The following ATG4A variants were observed in gnomAD, a reference collection of about 807,000 sequenced individuals.
ATG4A encodes autophagy related 4A cysteine peptidase, also known as cysteine protease ATG4A.
In ATG4A, 22 loss-of-function variants were observed where a neutral mutation model predicts 38.4. That is an observed-to-expected ratio of 0.57 (90% CI 0.41 to 0.82). ATG4A has a LOEUF of 0.82. Ranked by LOEUF, ATG4A falls within the 40% of genes least tolerant of loss-of-function variation. The pLI, the probability that ATG4A is intolerant of heterozygous loss-of-function variation, is 0.00. For missense variants in ATG4A, 220 were observed against 290.0 expected (o/e 0.76, Z 1.75); for synonymous variants, 86 against 100.7 (o/e 0.85, Z 0.88).
Position 108,138,000 on chromosome X carries a change from C to T in ATG4A, c.735+9C>T, listed in dbSNP as rs1006465947. The T allele has an allele frequency of 8.3e-7, 1 of 1,201,137 alleles. No individual in the cohort carries two copies. Among genetic ancestry groups the T allele is most frequent in the Middle Eastern group, 2.3e-4 (1 of 4,295 alleles). ...ATGTTGATGCATTCAAAGTAAGTCA[C>T]TTCTTTCCCTGAGCCCATTGCTGCC... On this transcript the variant is annotated intron_variant, in intron 8 of 12. Coordinates refer to ENST00000372232, the MANE Select transcript of ATG4A (RefSeq NM_052936.5).
intron 4 of ATG4A, among the ~76,000 whole-genome samples, chrX:108,132,878 A>G (rs1041464242): frequency 9.0e-6 from 1 of 111,353 alleles, no homozygotes; most frequent in Non-Finnish European, 1.9e-5. Context: ...AGTTGGAAAT[A>G]GATCTTGTAG....
chrX:108,095,532 A>G (rs1390334599), intron 1 of ATG4A, among the ~76,000 whole-genome samples: 1 of 110,211 alleles, frequency 9.1e-6, no homozygotes, highest in Non-Finnish European at 1.9e-5. Context: ...CTGAGATTTC[A>G]TTTATTTCTT....
At chrX:108,111,412 T>A (rs2032351555) in intron 1 of ATG4A, among the ~76,000 whole-genome samples, 1 of 112,169 alleles carries the variant, frequency 8.9e-6, no homozygotes, top group South Asian at 3.7e-4. Context: ...TCCTTTACAC[T>A]GCAATAGAAT....
chrX:108,149,170 T>TC (rs1476881345), intron 9 of ATG4A, among the ~76,000 whole-genome samples: 1 of 113,017 alleles, frequency 8.8e-6, no homozygotes, highest in Non-Finnish European at 1.9e-5. Flanking sequence ...TGGATACCAT[T>TC]CCAGAGGGAG....
At chrX:108,100,893 C>T (rs1331073362) in intron 1 of ATG4A, among the ~76,000 whole-genome samples, 7 of 111,175 alleles carry the variant, frequency 6.3e-5, no homozygotes, top group Non-Finnish European at 1.3e-4. Context: ...GGTATCAGTG[C>T]AATATTGGCC....
Position 108,150,287 on chromosome X carries a change from C to A in ATG4A, c.950C>A (p.Ser317Ter), listed in dbSNP as rs1234200058. ...QRMNILNLDP[S>*]VALGFFCKEE... is the part of the protein sequence containing the mutation. ...ATGAACATCCTAAACCTGGATCCTT[C>A]AGTTGCATTGGTGGGTATTCGTAGG... Residue 317 changes from serine (S) to a stop codon, truncating the protein, a stop_gained, in exon 10 of 13, where the codon TCA becomes TAA. Coordinates refer to ENST00000372232, the MANE Select transcript of ATG4A (RefSeq NM_052936.5). LOFTEE classifies it high-confidence loss of function. 1 of 1,210,506 alleles carries A rather than the reference C, an allele frequency of 8.3e-7. No individual in the cohort carries two copies. The highest frequency in any genetic ancestry group is 3.0e-5 in the East Asian group (1 of 33,786).
chrX:108,124,013 C>G (rs952613236), intron 1 of ATG4A, among the ~76,000 whole-genome samples: 3 of 112,430 alleles, frequency 2.7e-5, no homozygotes, highest in African/African-American at 9.7e-5. Flanking sequence ...TACTTATTTT[C>G]TGATTTTCTT....
At position 108,152,942 on chromosome X, in the gene ATG4A, C is replaced by T. The variant is rs772659909; in HGVS notation, c.1018-37C>T. 2.9e-6 allele frequency: 3 copies of T among 1,038,889 alleles called. No homozygotes were observed. In the African/African-American group the frequency reaches 5.6e-5, roughly 19 times the overall value. The allele number at this position is 1,038,889 out of a possible 1,213,427, so 85.6% of individuals were successfully genotyped here. A position where few individuals can be genotyped will look rare whatever the true frequency, so the allele number is the denominator to read the frequency against. ...AGATTGCCAATTAGAAATGTTGTGACTCTGAAGTATTTAAAACTGTTTTGT... is the reference window on the plus strand; with the variant it reads ...AGATTGCCAATTAGAAATGTTGTGATTCTGAAGTATTTAAAACTGTTTTGT... On this transcript the variant is annotated intron_variant, in intron 11 of 12. Transcript: ENST00000372232.
At chrX:108,109,959 A>C (rs1295209832) in intron 1 of ATG4A, among the ~76,000 whole-genome samples, 2 of 111,271 alleles carry the variant, frequency 1.8e-5, no homozygotes, top group Non-Finnish European at 3.8e-5. Flanking sequence ...GGATCTCTTG[A>C]GATTTCATAT....
chrX:108,122,272 C>T (rs1371345992), intron 1 of ATG4A, among the ~76,000 whole-genome samples: 3 of 111,820 alleles, frequency 2.7e-5, no homozygotes, highest in Non-Finnish European at 5.6e-5. Context: ...TGCCGGAAGC[C>T]ATATTATTAA....
chrX:108,092,817 A>G (rs1479272974), intron 1 of ATG4A, among the ~76,000 whole-genome samples: 1 of 111,721 alleles, frequency 9.0e-6, no homozygotes, highest in Admixed American at 9.4e-5. Context: ...AGTGTTCCCT[A>G]TTGTCAAAAT....
intron 9 of ATG4A, among the ~76,000 whole-genome samples, chrX:108,139,655 T>C (rs1335604157): frequency 1.8e-5 from 2 of 113,036 alleles, no homozygotes; most frequent in Non-Finnish European, 3.7e-5. Context: ...TTCCTAAGCA[T>C]TTGGGTTCAA....
chrX:108,131,480 C>T, intron 4 of ATG4A, 122 bp downstream of exon 4: 1 of 645,969 alleles, frequency 1.5e-6, no homozygotes, highest in Non-Finnish European at 2.4e-6. Context: ...TCTTAAAATG[C>T]TCTCTGCAAG....
intron 1 of ATG4A, among the ~76,000 whole-genome samples, chrX:108,104,297 A>C (rs889118196): frequency 1.7e-4 from 19 of 112,186 alleles, no homozygotes; most frequent in Non-Finnish European, 2.8e-4. Context: ...TTCAACTCAA[A>C]TGTCTCTCTT....
At chrX:108,114,534 T>C (rs2032451845) in intron 1 of ATG4A, among the ~76,000 whole-genome samples, 1 of 112,310 alleles carries the variant, frequency 8.9e-6, no homozygotes, top group Admixed American at 9.4e-5. Flanking sequence ...CAAAATAAAC[T>C]TAGGCACATT....
intron 1 of ATG4A, among the ~76,000 whole-genome samples, chrX:108,110,809 A>G (rs1233103335): frequency 8.9e-6 from 1 of 112,400 alleles, no homozygotes; most frequent in Non-Finnish European, 1.9e-5. Context: ...AGTAGTATGG[A>G]CATCATAACA....
chrX:108,123,498 C>T (rs1569305863), intron 1 of ATG4A, among the ~76,000 whole-genome samples: 1 of 112,091 alleles, frequency 8.9e-6, no homozygotes, highest in African/African-American at 3.2e-5. Flanking sequence ...TCTTTCCTCC[C>T]TAGACCCCCA....
intron 1 of ATG4A, among the ~76,000 whole-genome samples, chrX:108,097,870 A>G (rs1483506818): frequency 8.9e-6 from 1 of 112,639 alleles, no homozygotes; most frequent in Non-Finnish European, 1.9e-5. Context: ...TTCACTGCTT[A>G]CAAATGTAAT....
chrX:108,088,902 A>T, upstream of ATG4A: 6 of 957,346 alleles, frequency 6.3e-6, no homozygotes, highest in Non-Finnish European at 7.1e-6. Context: ...CAAAAAAGCA[A>T]GAAAAAAAAT....
Sources: gnomAD v4.1 joint callset for allele counts (sites outside exome capture counted in the v4.1 genomes callset) on GRCh38, gnomAD v4.1.1 for gene constraint, MANE v1.5 for transcripts, NCBI Gene and HGNC (gene_info 2026-07-23, HGNC 2026-07-21) for gene names.